TSPAN33: variants seen among roughly 807,000 people sequenced by gnomAD.
TSPAN33 encodes the protein tetraspanin-33.
A neutral mutation model predicts 34.8 loss-of-function variants in TSPAN33; 27 were observed. The observed-to-expected ratio is 0.78, with a 90% CI of 0.57 to 1.07. The LOEUF (loss-of-function observed/expected upper bound fraction) is 1.07, where lower values mean the gene tolerates loss of function less well. TSPAN33 is among the 50% of genes least tolerant of loss of function. TSPAN33 has a pLI of 0.00. For synonymous variants in TSPAN33, 119 were observed against 124.2 expected (o/e 0.96, Z 0.28); for missense variants, 272 against 324.9 (o/e 0.84, Z 1.25).
In TSPAN33 at chr7:129,167,796, G is replaced by C. The variant is rs1358104275; in HGVS notation, c.774G>C (p.Gln258His). 6.2e-7 allele frequency: 1 copy of C among 1,614,070 alleles called. No homozygotes were observed. Among genetic ancestry groups the C allele is most frequent in the Non-Finnish European group, 8.5e-7 (1 of 1,180,052 alleles). ...AGCTGGTGGGAATTCTGCTGTCCCA[G>C]ATCCTAGTGAATCAGATCAAAGATC... ...IPQLVGILLSQILVNQIKDQI... is the reference protein window; with the variant it reads ...IPQLVGILLSHILVNQIKDQI... The change falls in exon 8 of 8, where the codon CAG becomes CAC. Residue 258 changes from glutamine (Q) to histidine (H), a missense_variant. Gln to His is a conservative substitution (Grantham distance 24, BLOSUM62 0). Coordinates refer to ENST00000486685, the MANE Select transcript of TSPAN33 (RefSeq NM_178562.5). The surrounding 1 kb of genome is among the most constrained non-coding windows in gnomAD (Gnocchi z 4.6).
At chr7:129,157,882 G>A (rs1186292546) in intron 1 of TSPAN33, among the ~76,000 whole-genome samples, 7 of 152,198 alleles carry the variant, frequency 4.6e-5, no homozygotes, top group East Asian at 3.8e-4. Context: ...ACAAATGACC[G>A]CAAACTTAGT....
intron 1 of TSPAN33, among the ~76,000 whole-genome samples, chr7:129,153,007 G>A (rs866277336): frequency 1.3e-4 from 19 of 143,912 alleles, no homozygotes; most frequent in East Asian, 4.1e-4. Flanking sequence ...GCAGTGAGCC[G>A]GAGATTGCGC....
intron 1 of TSPAN33, among the ~76,000 whole-genome samples, chr7:129,152,171 G>T (rs1173778963): frequency 6.6e-6 from 1 of 152,228 alleles, no homozygotes; most frequent in Non-Finnish European, 1.5e-5. Context: ...GTGGAAAACA[G>T]TTTGGCAGCT....
chr7:129,159,969 G>A (rs1025807753), intron 1 of TSPAN33, among the ~76,000 whole-genome samples: 2 of 152,188 alleles, frequency 1.3e-5, no homozygotes, highest in African/African-American at 4.8e-5. Flanking sequence ...ATTGAGCCCA[G>A]GAGGTCAAGG....
rs1584643790 is a variant in TSPAN33, at chr7:129,169,584, T to G, written c.*1710T>G. The G allele has an allele frequency of 1.3e-5, 2 of 152,298 alleles. No individual in the cohort carries two copies. 9.4% of individuals were successfully genotyped at this position (152,298 alleles called of 1,614,324 possible). ...GCCCCCAGTGTCTCCTAAGCGAGCCTTCTGCTCCTAGGAAGGCGCCTTTCC... is the reference window on the plus strand; with the variant it reads ...GCCCCCAGTGTCTCCTAAGCGAGCCGTCTGCTCCTAGGAAGGCGCCTTTCC... On this transcript the variant is annotated 3_prime_UTR_variant, in exon 8 of 8. Transcript: ENST00000486685.
intron 1 of TSPAN33, among the ~76,000 whole-genome samples, chr7:129,151,668 G>C (rs189909624): frequency 7.9e-5 from 12 of 152,070 alleles, no homozygotes; most frequent in African/African-American, 2.9e-4. Flanking sequence ...AAAAAGTCAA[G>C]ATAAGAAAAT....
At chr7:129,164,054 A>G (rs949232625) in intron 4 of TSPAN33, among the ~76,000 whole-genome samples, 8 of 152,158 alleles carry the variant, frequency 5.3e-5, no homozygotes, top group African/African-American at 1.9e-4. Context: ...TCCTGAAATG[A>G]TGTATTAAAT....
At position 129,144,720 on chromosome 7, in the gene TSPAN33, T is replaced by C. The variant is rs1345236601; in HGVS notation, c.-261T>C. Among the ~76,000 whole-genome samples, 2 of 81,902 alleles carry C rather than the reference T, an allele frequency of 2.4e-5. No homozygotes were observed. Among genetic ancestry groups the C allele is most frequent in the East Asian group, 5.4e-4 (1 of 1,844 alleles). 53.7% of individuals were successfully genotyped at this position (81,902 alleles called of 152,430 possible). ...GGGCCGGGTTTCCTGGGCGCCTGGC[T>C]GGCCGGGCTGGTCCTGCGGCCGCGG... On this transcript the variant is annotated 5_prime_UTR_variant, in exon 1 of 8. Coordinates refer to ENST00000486685, the MANE Select transcript of TSPAN33 (RefSeq NM_178562.5).
rs1436152301 is a variant in TSPAN33 at position 129,144,920 on chromosome 7, C to A, written c.-61C>A. ...GGCTCATGCCCCCGGGCGCGGGGCACACAGGCCGGCCGGCAGCCGCTGGGA... is the reference window on the plus strand; with the variant it reads ...GGCTCATGCCCCCGGGCGCGGGGCAAACAGGCCGGCCGGCAGCCGCTGGGA... On this transcript the variant is annotated 5_prime_UTR_variant, in exon 1 of 8. Coordinates refer to ENST00000486685, the MANE Select transcript of TSPAN33 (RefSeq NM_178562.5). The A allele has an allele frequency of 1.8e-5, 7 of 394,608 alleles. No homozygotes were observed. Among genetic ancestry groups the A allele is most frequent in the Non-Finnish European group, 3.1e-5 (7 of 222,338 alleles). 24.4% of individuals were successfully genotyped at this position (394,608 alleles called of 1,614,324 possible).
chr7:129,164,222 C>T (rs1016497857), intron 4 of TSPAN33, among the ~76,000 whole-genome samples: 5 of 152,192 alleles, frequency 3.3e-5, no homozygotes, highest in Non-Finnish European at 5.9e-5. Context: ...GATAGATACA[C>T]ATTGGTATAT....
intron 1 of TSPAN33, among the ~76,000 whole-genome samples, chr7:129,160,289 G>T (rs1046835540): frequency 6.6e-6 from 1 of 152,126 alleles, no homozygotes; most frequent in African/African-American, 2.4e-5. Context: ...GCTGCTTTCC[G>T]TCTTGCAGGA....
chr7:129,156,917 CT>C (rs1181389207), intron 1 of TSPAN33, among the ~76,000 whole-genome samples: 1 of 152,096 alleles, frequency 6.6e-6, no homozygotes, highest in African/African-American at 2.4e-5. Context: ...TATAATTTGA[CT>C]GACAACTTTT....
intron 1 of TSPAN33, 113 bp from the exon 2 acceptor site, chr7:129,161,566 A>G: frequency 2.0e-6 from 2 of 975,764 alleles, no homozygotes; most frequent in Non-Finnish European, 3.2e-6. Flanking sequence ...AAAGATGCTC[A>G]CCTTTGGGTC....
chr7:129,168,176 A>G lies in TSPAN33; in HGVS notation c.*302A>G. On this transcript the variant is annotated 3_prime_UTR_variant, in exon 8 of 8. Coordinates refer to ENST00000486685, the MANE Select transcript of TSPAN33 (RefSeq NM_178562.5). ...AGCAGTTGCACAGAGAGTTGGGGGT[A>G]CTGCTGCTGCCTTTTCACCGAGGCA... 1 of 330,178 alleles carries G rather than the reference A, an allele frequency of 3.0e-6. No homozygotes were observed. The highest frequency in any genetic ancestry group is 4.0e-5 in the South Asian group (1 of 24,728). The allele number at this position is 330,178 out of a possible 1,614,324, so 20.5% of individuals were successfully genotyped here.
intron 1 of TSPAN33, among the ~76,000 whole-genome samples, chr7:129,150,705 G>A (rs1045221370): frequency 1.3e-5 from 2 of 152,130 alleles, no homozygotes; most frequent in African/African-American, 4.8e-5. Flanking sequence ...CCCAGCGCCT[G>A]GTCCTTAGCA....
At chr7:129,146,279 A>G (rs910949389) in intron 1 of TSPAN33, among the ~76,000 whole-genome samples, 26 of 152,182 alleles carry the variant, frequency 1.7e-4, no homozygotes, top group African/African-American at 6.0e-4. Flanking sequence ...TGTTGGGACA[A>G]ATGAGAGAAA....
chr7:129,150,651 G>A (rs1482419040), intron 1 of TSPAN33, among the ~76,000 whole-genome samples: 1 of 152,168 alleles, frequency 6.6e-6, no homozygotes, highest in Non-Finnish European at 1.5e-5. Flanking sequence ...AGATCCTAAT[G>A]CCCTCTTGGG....
chr7:129,167,638 C>T lies in TSPAN33; in HGVS notation c.750+78C>T. Reference sequence around the variant, plus strand: ...TGTTTTGGGGAAGGCACCTGGGGATCAGCGAGGGTGTCAGGCACTGACATG... The same window carrying T: ...TGTTTTGGGGAAGGCACCTGGGGATTAGCGAGGGTGTCAGGCACTGACATG... On this transcript the variant is annotated intron_variant, in intron 7 of 7. Coordinates refer to ENST00000486685, the MANE Select transcript of TSPAN33 (RefSeq NM_178562.5). The surrounding 1 kb of genome is among the most constrained non-coding windows in gnomAD (Gnocchi z 4.6). 1 of 1,574,592 alleles carries T rather than the reference C, an allele frequency of 6.4e-7. No homozygotes were observed. The highest frequency in any genetic ancestry group is 1.1e-5 in the South Asian group (1 of 87,036).
intron 1 of TSPAN33, among the ~76,000 whole-genome samples, chr7:129,153,599 G>A (rs1039813982): frequency 4.6e-5 from 7 of 152,124 alleles, no homozygotes; most frequent in African/African-American, 7.2e-5. Context: ...GGATAATTGG[G>A]GAAAGTTACA....
Sources: gnomAD v4.1 joint callset for allele counts (sites outside exome capture counted in the v4.1 genomes callset) on GRCh38, gnomAD v4.1.1 for gene constraint, Gnocchi (gnomAD v3.1) non-coding constraint, MANE v1.5 for transcripts, NCBI Gene and HGNC (gene_info 2026-07-23, HGNC 2026-07-21) for gene names.